Variants in LUZP2 observed in about 807,000 individuals in gnomAD.
The protein encoded by LUZP2 is leucine zipper protein 2.
Under a neutral mutation model 51.6 loss-of-function variants are expected in LUZP2, and 52 were observed. The observed-to-expected ratio is 1.01, with a 90% CI of 0.81 to 1.27. The LOEUF (loss-of-function observed/expected upper bound fraction) is 1.27, where lower values mean the gene tolerates loss of function less well. Ranked by LOEUF, LUZP2 falls within the 50% of genes most tolerant of loss-of-function variation. LUZP2 has a pLI of 0.00. For missense variants in LUZP2, 436 were observed against 395.4 expected (o/e 1.10, Z -0.87); for synonymous variants, 154 against 137.3 (o/e 1.12, Z -0.85).
intron 1 of LUZP2, among the ~76,000 whole-genome samples, chr11:24,599,039 AG>A (rs1411540538): frequency 1.3e-5 from 2 of 152,126 alleles, no homozygotes; most frequent in Non-Finnish European, 2.9e-5. Flanking sequence ...TAGATAACAG[AG>A]GGCAAAATTT....
chr11:25,002,573 T>C (rs1455182261), intron 9 of LUZP2, among the ~76,000 whole-genome samples: 1 of 152,146 alleles, frequency 6.6e-6, no homozygotes, highest in Admixed American at 6.6e-5. Context: ...ATCCTTTCCT[T>C]GTATTATTTT....
At position 24,983,270 on chromosome 11, in the gene LUZP2, C is replaced by T; in HGVS notation, c.742C>T (p.Pro248Ser). 1 of 1,611,724 alleles carries T rather than the reference C, an allele frequency of 6.2e-7. No homozygotes were observed. The highest frequency in any genetic ancestry group is 1.3e-5 in the African/African-American group (1 of 74,808). ...LPPRNIASKL[P>S]DAAAKSKPQQ... is the part of the protein sequence containing the mutation. ...ACCCAGGAATATTGCCTCTAAGCTT[C>T]CAGATGCAGCGGCCAAAAGCAAGGT... Residue 248 changes from proline (P) to serine (S), a missense_variant, in exon 9 of 12, where the codon CCA becomes TCA. Coordinates refer to ENST00000336930, the MANE Select transcript of LUZP2 (RefSeq NM_001009909.4).
At chr11:25,036,454 G>A (rs1857864834) in intron 9 of LUZP2, among the ~76,000 whole-genome samples, 1 of 151,662 alleles carries the variant, frequency 6.6e-6, no homozygotes, top group Non-Finnish European at 1.5e-5. Context: ...ATGGATTGTT[G>A]CATTTGAATT....
chr11:24,763,280 G>T lies in LUZP2; in HGVS notation c.368G>T (p.Ser123Ile). The T allele has an allele frequency of 7.2e-7, 1 of 1,389,306 alleles. No homozygotes were observed. The highest frequency in any genetic ancestry group is 9.5e-7 in the Non-Finnish European group (1 of 1,051,056). The allele number at this position is 1,389,306 out of a possible 1,614,324, so 86.1% of individuals were successfully genotyped here. Residue 123 changes from serine to isoleucine, a missense_variant, in exon 5 of 12, where the codon AGC (serine) becomes ATC (isoleucine). By Grantham distance (142) the Ser-to-Ile change is moderately radical. Coordinates refer to ENST00000336930, the MANE Select transcript of LUZP2 (RefSeq NM_001009909.4). ...NFLKTEVERK[S>I]KMIRDLQNEN... ...TTAAAGACTGAAGTTGAAAGAAAGAGCAAAATGATCCGAGACCTCCAGAAT... is the reference window on the plus strand; with the variant it reads ...TTAAAGACTGAAGTTGAAAGAAAGATCAAAATGATCCGAGACCTCCAGAAT...
At chr11:24,634,509 T>C (rs891619738) in intron 1 of LUZP2, among the ~76,000 whole-genome samples, 1 of 152,100 alleles carries the variant, frequency 6.6e-6, no homozygotes, top group Non-Finnish European at 1.5e-5. Context: ...ATTTTCTTTC[T>C]GGTTTTTCAA....
chr11:24,541,175 C>T (rs1292725694), intron 1 of LUZP2, among the ~76,000 whole-genome samples: 3 of 150,530 alleles, frequency 2.0e-5, no homozygotes, highest in Non-Finnish European at 4.4e-5. Flanking sequence ...ATTGCTTGAA[C>T]CCGGGAGACA....
intron 9 of LUZP2, among the ~76,000 whole-genome samples, chr11:25,006,326 A>C (rs960824974): frequency 1.3e-5 from 2 of 152,218 alleles, no homozygotes; most frequent in African/African-American, 4.8e-5. Context: ...GATAGATAGG[A>C]TAGATGGGCA....
chr11:24,738,375 A>G (rs1246588548), intron 4 of LUZP2, 73 bp downstream of exon 4: 1 of 1,028,368 alleles, frequency 9.7e-7, no homozygotes, highest in Non-Finnish European at 1.5e-6. Context: ...CAAAATCACT[A>G]TGGAACAAAC....
intron 1 of LUZP2, among the ~76,000 whole-genome samples, chr11:24,678,910 C>T (rs931297044): frequency 1.3e-5 from 2 of 152,206 alleles, no homozygotes; most frequent in African/African-American, 2.4e-5. Flanking sequence ...TATAGTGCTG[C>T]GTCCAGGCAT....
At chr11:24,803,439 G>A (rs1322787508) in intron 5 of LUZP2, among the ~76,000 whole-genome samples, 1 of 152,056 alleles carries the variant, frequency 6.6e-6, no homozygotes, top group African/African-American at 2.4e-5. Context: ...CTCTAAAGTG[G>A]TACAGCTGCT....
chr11:24,715,298 TGTGTGTGTGC>T (rs61539979), intron 1 of LUZP2, among the ~76,000 whole-genome samples: 43,827 of 149,158 alleles, frequency 0.29, 6,796 homozygotes, highest in Non-Finnish European at 0.36. Context: ...TGTGTGTGTG[TGTGTGTGTGC>T]ATGCGTATTT....
chr11:25,038,802 G>A lies in LUZP2; in HGVS notation c.766-11236G>A, dbSNP rs539722535. Among the ~76,000 whole-genome samples the A allele has an allele frequency of 8.5e-5, 13 of 152,236 alleles. No homozygotes were observed. In the South Asian group the frequency reaches 1.9e-3, roughly 22 times the overall value. On this transcript the variant is annotated intron_variant, in intron 9 of 11. Transcript: ENST00000336930. Reference sequence around the variant, plus strand: ...CATTTCTTTAACTGTGGTGTAAATCGAATATAGTCAGTTGGCTTTATTTCT... The same window carrying A: ...CATTTCTTTAACTGTGGTGTAAATCAAATATAGTCAGTTGGCTTTATTTCT...
intron 10 of LUZP2, among the ~76,000 whole-genome samples, chr11:25,071,942 A>C (rs1407463097): frequency 6.6e-6 from 1 of 152,148 alleles, no homozygotes; most frequent in Non-Finnish European, 1.5e-5. Flanking sequence ...CACCTGAAAT[A>C]ATTAAACAAA....
At chr11:24,764,344 T>G (rs544612613) in intron 5 of LUZP2, among the ~76,000 whole-genome samples, 1 of 151,756 alleles carries the variant, frequency 6.6e-6, no homozygotes, top group South Asian at 2.1e-4. Context: ...AGAATTCAAC[T>G]AAGGAGGAAG....
chr11:24,899,102 T>A (rs1853186398), intron 5 of LUZP2, among the ~76,000 whole-genome samples: 1 of 152,196 alleles, frequency 6.6e-6, no homozygotes, highest in Non-Finnish European at 1.5e-5. Context: ...CGTTGGATGA[T>A]TGAAAAATTT....
chr11:24,846,849 GT>G (rs1851215788), intron 5 of LUZP2, among the ~76,000 whole-genome samples: 1 of 151,276 alleles, frequency 6.6e-6, no homozygotes, highest in African/African-American at 2.4e-5. Context: ...ACATATATAT[GT>G]ATTTAATACA....
intron 5 of LUZP2, among the ~76,000 whole-genome samples, chr11:24,871,353 TTTCA>T (rs1371547497): frequency 9.9e-5 from 15 of 152,138 alleles, no homozygotes; most frequent in African/African-American, 3.6e-4. Context: ...CATAGTTTTC[TTTCA>T]TCTGGTTTTC....
intron 1 of LUZP2, among the ~76,000 whole-genome samples, chr11:24,634,373 T>A (rs1855000281): frequency 6.6e-6 from 1 of 151,988 alleles, no homozygotes; most frequent in Admixed American, 6.6e-5. Context: ...CCCATCTAGA[T>A]TGTCTTTGTA....
intron 5 of LUZP2, among the ~76,000 whole-genome samples, chr11:24,788,130 A>G (rs1435972454): frequency 1.3e-5 from 2 of 151,126 alleles, no homozygotes; most frequent in Admixed American, 1.3e-4. Context: ...TAAATTTAAC[A>G]GTACCTTAAT....
Sources: allele counts gnomAD v4.1 joint callset (sites outside exome capture counted in the v4.1 genomes callset), GRCh38; gene constraint gnomAD v4.1.1; transcripts MANE v1.5; gene names NCBI Gene and HGNC (gene_info 2026-07-23, HGNC 2026-07-21).